The following ASAP1 variants were observed in gnomAD, a reference collection of about 807,000 sequenced individuals.
ASAP1 encodes the protein ArfGAP with SH3 domain, ankyrin repeat and PH domain 1, also known as arf-GAP with SH3 domain, ANK repeat and PH domain-containing protein 1.
ASAP1 carries 43 observed loss-of-function variants against 145.2 expected under a neutral mutation model. The ratio of observed to expected loss-of-function variants is 0.30; its 90% CI spans 0.23 to 0.38. The LOEUF (loss-of-function observed/expected upper bound fraction) is 0.38, where lower values mean the gene tolerates loss of function less well. ASAP1 is among the 10% of genes least tolerant of loss of function. The pLI is 1.00. For missense variants in ASAP1, 1,018 were observed against 1,355.3 expected, an observed-to-expected ratio of 0.75 and a Z score of 3.91; for synonymous variants, 546 against 515.5, an observed-to-expected ratio of 1.06 and a Z score of -0.80.
intron 2 of ASAP1, among the ~76,000 whole-genome samples, chr8:130,359,461 C>G (rs1166512828): frequency 3.9e-5 from 6 of 152,140 alleles, no homozygotes; most frequent in Non-Finnish European, 7.4e-5. Context: ...AAAAAAAAAG[C>G]TAGGCCTTTG....
chr8:130,132,610 T>C (rs2135781688), intron 15 of ASAP1, among the ~76,000 whole-genome samples: 1 of 152,330 alleles, frequency 6.6e-6, no homozygotes, highest in East Asian at 1.9e-4. Flanking sequence ...TGGCCTCCTC[T>C]GTCCTTACAC....
intron 3 of ASAP1, among the ~76,000 whole-genome samples, chr8:130,238,204 T>C (rs577177895): frequency 7.9e-5 from 12 of 152,248 alleles, no homozygotes; most frequent in East Asian, 3.9e-4. Flanking sequence ...AGACTCATAC[T>C]GGACTCAACG....
chr8:130,274,666 G>C (rs1457351470), intron 3 of ASAP1, among the ~76,000 whole-genome samples: 1 of 152,286 alleles, frequency 6.6e-6, no homozygotes, highest in Non-Finnish European at 1.5e-5. Context: ...ATTCAAGTCC[G>C]AGTGATCAAC....
At chr8:130,125,904 A>C in intron 17 of ASAP1, 52 bp downstream of exon 17, 1 of 1,539,302 alleles carries the variant, frequency 6.5e-7, no homozygotes, top group Non-Finnish European at 8.7e-7. Context: ...CAATATATTA[A>C]AATTACTCAT....
At chr8:130,279,438 GA>G (rs1328403714) in intron 3 of ASAP1, among the ~76,000 whole-genome samples, 2 of 152,204 alleles carry the variant, frequency 1.3e-5, no homozygotes, top group African/African-American at 4.8e-5. Context: ...GCAGATGTTA[GA>G]AATCCACTTC....
rs1586551861 is a variant in ASAP1 at position 130,187,970 on chromosome 8, G to A, written c.480+139C>T. 7.4e-6 allele frequency: 5 copies of A among 678,882 alleles called. No individual in the cohort carries two copies. The East Asian group carries it at 1.3e-4, about 17-fold the overall frequency. 42.1% of individuals were successfully genotyped at this position (678,882 alleles called of 1,614,324 possible). A position where few individuals can be genotyped will look rare whatever the true frequency, so the allele number is the denominator to read the frequency against. On this transcript the variant is annotated intron_variant, in intron 6 of 29. Coordinates refer to ENST00000518721, the MANE Select transcript of ASAP1 (RefSeq NM_018482.4). ...TGTGAAGAGGCACATTTTTTCCAAT[G>A]ATCATTTTCCAAGAGCATTTTTAAC...
chr8:130,143,709 A>C lies in ASAP1; in HGVS notation c.1081-6671T>G, dbSNP rs182663433. On this transcript the variant is annotated intron_variant, in intron 13 of 29. Transcript: ENST00000518721. ...TAGAAATGCATGCAGAAACAGAATG[A>C]GTCAATCCCAATTAATGTTTCTGTG... 2.6e-5 allele frequency among the ~76,000 whole-genome samples: 4 copies of C among 152,352 alleles called. No individual in the cohort carries two copies. The East Asian group carries it at 7.7e-4, about 29-fold the overall frequency.
At chr8:130,094,519 A>G (rs1256585163) in intron 24 of ASAP1, among the ~76,000 whole-genome samples, 1 of 152,212 alleles carries the variant, frequency 6.6e-6, no homozygotes, top group Admixed American at 6.5e-5. Flanking sequence ...AAATTTAAAA[A>G]AAAAAAATGT....
At chr8:130,065,596 C>G (rs1346833595) in intron 27 of ASAP1, among the ~76,000 whole-genome samples, 1 of 152,200 alleles carries the variant, frequency 6.6e-6, no homozygotes, top group East Asian at 1.9e-4. Flanking sequence ...AAACCAGGAA[C>G]TGTGGACGGA....
chr8:130,324,814 T>C (rs960664017), intron 3 of ASAP1, among the ~76,000 whole-genome samples: 1 of 152,194 alleles, frequency 6.6e-6, no homozygotes, highest in Admixed American at 6.5e-5. Flanking sequence ...CACTCATTTT[T>C]TACAGCACCT....
At position 130,377,410 on chromosome 8, in the gene ASAP1, G is replaced by A. The variant is rs187103062; in HGVS notation, c.60-19267C>T. Among the ~76,000 whole-genome samples the A allele has an allele frequency of 4.1e-4, 62 of 152,246 alleles. 1 individual carries two copies. In the East Asian group the frequency reaches 0.011, roughly 27 times the overall value. On this transcript the variant is annotated intron_variant, in intron 2 of 29. Coordinates refer to ENST00000518721, the MANE Select transcript of ASAP1 (RefSeq NM_018482.4). ...AGAATTCCTGAGACCATGTGTGATCGACAAGCAGACATTGCAGAAGGGGTG... is the reference window on the plus strand; with the variant it reads ...AGAATTCCTGAGACCATGTGTGATCAACAAGCAGACATTGCAGAAGGGGTG...
intron 2 of ASAP1, among the ~76,000 whole-genome samples, chr8:130,379,029 A>C (rs1282059858): frequency 2.6e-5 from 4 of 152,200 alleles, no homozygotes; most frequent in African/African-American, 9.7e-5. Context: ...CTGTACGCTA[A>C]TGAGACGGCC....
intron 5 of ASAP1, among the ~76,000 whole-genome samples, chr8:130,193,953 G>A (rs1049839741): frequency 2.6e-5 from 4 of 152,128 alleles, no homozygotes; most frequent in African/African-American, 4.8e-5. Context: ...GCCTCCCAAA[G>A]TGCTGGGATT....
intron 4 of ASAP1, among the ~76,000 whole-genome samples, chr8:130,233,229 G>A (rs1037366385): frequency 1.3e-5 from 2 of 152,092 alleles, no homozygotes; most frequent in Admixed American, 1.3e-4. Flanking sequence ...ACAATGCTGG[G>A]ATTTTCCATT....
intron 28 of ASAP1, 104 bp downstream of exon 28, chr8:130,060,475 A>G: frequency 6.9e-7 from 1 of 1,441,394 alleles, no homozygotes; most frequent in Non-Finnish European, 9.4e-7. Flanking sequence ...GGGTCAGGTG[A>G]GCAAGCTCTC....
At chr8:130,240,398 C>A (rs966144737) in intron 3 of ASAP1, among the ~76,000 whole-genome samples, 2 of 152,012 alleles carry the variant, frequency 1.3e-5, no homozygotes, top group Admixed American at 6.6e-5. Flanking sequence ...ACAGGGGATA[C>A]TGTCCTTCAA....
At chr8:130,251,094 T>C (rs1819168462) in intron 3 of ASAP1, among the ~76,000 whole-genome samples, 1 of 152,156 alleles carries the variant, frequency 6.6e-6, no homozygotes, top group African/African-American at 2.4e-5. Context: ...CAGAACAATG[T>C]TTTTTGGAAC....
chr8:130,353,491 G>C (rs1826121090), intron 3 of ASAP1, among the ~76,000 whole-genome samples: 3 of 152,192 alleles, frequency 2.0e-5, no homozygotes, highest in Admixed American at 1.3e-4. Context: ...TGACAGCAAA[G>C]TCTCCTATGT....
chr8:130,300,147 CACACACAGAG>C (rs1390694509), intron 3 of ASAP1, among the ~76,000 whole-genome samples: 1,516 of 100,068 alleles, frequency 0.015, 17 homozygotes, highest in Non-Finnish European at 0.021. Context: ...CACACACACA[CACACACAGAG>C]AGAGAGAGAG....
Sources: allele counts gnomAD v4.1 joint callset (sites outside exome capture counted in the v4.1 genomes callset), GRCh38; gene constraint gnomAD v4.1.1; transcripts MANE v1.5; gene names NCBI Gene and HGNC (gene_info 2026-07-23, HGNC 2026-07-21).